The following HS6ST3 variants were observed in gnomAD, a reference collection of about 807,000 sequenced individuals.
HS6ST3 encodes heparan-sulfate 6-O-sulfotransferase 3.
Under a neutral mutation model 36.7 loss-of-function variants are expected in HS6ST3, and 12 were observed. That is an observed-to-expected ratio of 0.33 (90% confidence interval 0.21 to 0.53). The LOEUF is 0.53. Ranked by LOEUF, HS6ST3 falls within the 20% of genes least tolerant of loss-of-function variation. The pLI, the probability that HS6ST3 is intolerant of heterozygous loss-of-function variation, is 0.95. For synonymous variants in HS6ST3, 240 were observed against 257.5 expected (o/e 0.93, Z 0.65); for missense variants, 584 against 640.9 (o/e 0.91, Z 0.96).
chr13:96,771,194 T>G (rs2138507317), intron 1 of HS6ST3, among the ~76,000 whole-genome samples: 1 of 147,690 alleles, frequency 6.8e-6, no homozygotes, highest in South Asian at 2.1e-4. Context: ...CACCGCATGT[T>G]CTCACTCATA....
At chr13:96,298,718 A>G (rs568326377) in intron 1 of HS6ST3, among the ~76,000 whole-genome samples, 38 of 152,302 alleles carry the variant, frequency 2.5e-4, no homozygotes, top group African/African-American at 8.4e-4. Flanking sequence ...GACCTGTCAC[A>G]CAGAATGAGG....
chr13:96,314,564 A>G (rs940974531), intron 1 of HS6ST3, among the ~76,000 whole-genome samples: 1 of 152,188 alleles, frequency 6.6e-6, no homozygotes, highest in Non-Finnish European at 1.5e-5. Context: ...AGCAGTCTAT[A>G]TGTCTTTGGA....
intron 1 of HS6ST3, among the ~76,000 whole-genome samples, chr13:96,724,704 A>G (rs1012882166): frequency 2.1e-4 from 32 of 152,302 alleles, no homozygotes; most frequent in African/African-American, 7.7e-4. Flanking sequence ...GTGTACATCA[A>G]TAGTTCATTT....
Position 96,745,609 on chromosome 13 carries a change from G to A in HS6ST3, c.708-86881G>A, listed in dbSNP as rs183632584. On this transcript the variant is annotated intron_variant, in intron 1 of 1. Transcript: ENST00000376705. ...CATTGAAATTGGTTTGGTCATGGAG[G>A]AAAAGGATAAAACCAGACCTTTTTG... is the stretch of plus-strand genomic sequence containing the variant. Among the ~76,000 whole-genome samples, 65 of 152,212 alleles carry A rather than the reference G, an allele frequency of 4.3e-4. No homozygotes were observed. The South Asian group carries it at 5.0e-3, about 12-fold the overall frequency.
At chr13:96,584,269 A>G (rs1012966868) in intron 1 of HS6ST3, among the ~76,000 whole-genome samples, 16 of 151,902 alleles carry the variant, frequency 1.1e-4, no homozygotes, top group African/African-American at 3.6e-4. Context: ...TCACCCTCCC[A>G]AGTAGCTGGG....
intron 1 of HS6ST3, among the ~76,000 whole-genome samples, chr13:96,776,180 CAGCTAAAGTAGTGTTT>C (rs760119371): frequency 2.4e-4 from 36 of 152,124 alleles, no homozygotes; most frequent in Admixed American, 6.5e-4. Flanking sequence ...CTCTGGGATG[CAGCTAAAGTAGTGTTT>C]AGAGGGAATT....
At chr13:96,155,818 G>A (rs1263333192) in intron 1 of HS6ST3, among the ~76,000 whole-genome samples, 1 of 152,134 alleles carries the variant, frequency 6.6e-6, no homozygotes, top group Non-Finnish European at 1.5e-5. Flanking sequence ...GAATAGGAAG[G>A]AATCATAAAC....
chr13:96,492,724 T>G (rs1383420059), intron 1 of HS6ST3, among the ~76,000 whole-genome samples: 3 of 152,220 alleles, frequency 2.0e-5, no homozygotes, highest in African/African-American at 7.2e-5. Context: ...GATTTGAGTC[T>G]TCTTATATAT....
intron 1 of HS6ST3, among the ~76,000 whole-genome samples, chr13:96,170,412 T>C (rs1444481863): frequency 6.6e-6 from 1 of 152,248 alleles, no homozygotes; most frequent in East Asian, 1.9e-4. Context: ...GAATAGCAAC[T>C]TGATGTCAGA....
chr13:96,628,280 C>A (rs1488737850), intron 1 of HS6ST3, among the ~76,000 whole-genome samples: 1 of 151,916 alleles, frequency 6.6e-6, no homozygotes, highest in Non-Finnish European at 1.5e-5. Context: ...TTTTCAGAAG[C>A]ATGTGAGTTT....
chr13:96,742,896 A>G (rs533667886), intron 1 of HS6ST3, among the ~76,000 whole-genome samples: 1 of 152,202 alleles, frequency 6.6e-6, no homozygotes, highest in African/African-American at 2.4e-5. Flanking sequence ...AAGTCCAGTA[A>G]AAAATCTGAA....
At chr13:96,114,609 G>A (rs1023569608) in intron 1 of HS6ST3, among the ~76,000 whole-genome samples, 1 of 152,070 alleles carries the variant, frequency 6.6e-6, no homozygotes, top group African/African-American at 2.4e-5. Flanking sequence ...ATAATAATAG[G>A]GCCTACCTTA....
At chr13:96,644,550 G>A (rs952612085) in intron 1 of HS6ST3, among the ~76,000 whole-genome samples, 3 of 152,024 alleles carry the variant, frequency 2.0e-5, no homozygotes, top group African/African-American at 7.2e-5. Context: ...ATCTGCCAGG[G>A]CTCATGTGAG....
intron 1 of HS6ST3, among the ~76,000 whole-genome samples, chr13:96,197,303 G>A (rs1370249900): frequency 6.6e-6 from 1 of 152,168 alleles, no homozygotes. Context: ...AAACCCATCA[G>A]ATCTTGTGGG....
intron 1 of HS6ST3, among the ~76,000 whole-genome samples, chr13:96,264,134 A>T (rs1341017669): frequency 6.6e-6 from 1 of 152,178 alleles, no homozygotes; most frequent in East Asian, 1.9e-4. Context: ...ACTCATGCCT[A>T]TGATTTTTTT....
At chr13:96,141,766 G>A (rs1459478301) in intron 1 of HS6ST3, among the ~76,000 whole-genome samples, 3 of 152,120 alleles carry the variant, frequency 2.0e-5, no homozygotes, top group Non-Finnish European at 4.4e-5. Context: ...GATCAGGGGG[G>A]TCTTAAGGAC....
At chr13:96,285,900 CCTCT>C (rs1170581893) in intron 1 of HS6ST3, among the ~76,000 whole-genome samples, 1 of 149,544 alleles carries the variant, frequency 6.7e-6, no homozygotes, top group Non-Finnish European at 1.5e-5. Flanking sequence ...TCCCTCTTTC[CCTCT>C]CTCTCTCCCC....
chr13:96,471,637 C>T (rs2055840583), intron 1 of HS6ST3, among the ~76,000 whole-genome samples: 1 of 152,150 alleles, frequency 6.6e-6, no homozygotes. Flanking sequence ...TGAGTTTATC[C>T]AGGATAGCTT....
At chr13:96,373,483 AGAG>A (rs1566341220) in intron 1 of HS6ST3, among the ~76,000 whole-genome samples, 1 of 152,220 alleles carries the variant, frequency 6.6e-6, no homozygotes. Context: ...TAAAATAAAA[AGAG>A]TGAGAAGAGT....
Sources: gnomAD v4.1 joint callset for allele counts (sites outside exome capture counted in the v4.1 genomes callset) on GRCh38, gnomAD v4.1.1 for gene constraint, MANE v1.5 for transcripts, NCBI Gene and HGNC (gene_info 2026-07-23, HGNC 2026-07-21) for gene names.